The following GALNTL6 variants were observed in gnomAD, a reference collection of about 807,000 sequenced individuals.
The protein encoded by GALNTL6 is polypeptide N-acetylgalactosaminyltransferase-like 6.
Under a neutral mutation model 73.7 loss-of-function variants are expected in GALNTL6, and 46 were observed. The observed-to-expected ratio is 0.62, with a 90% confidence interval of 0.49 to 0.80. The LOEUF is 0.80. GALNTL6 is among the 30% of genes least tolerant of loss of function. The pLI is 0.00. For synonymous variants in GALNTL6, 259 were observed against 263.7 expected (o/e 0.98, Z 0.17); for missense variants, 604 against 755.0 (o/e 0.80, Z 2.34).
At chr4:172,312,481 T>C (rs1740397655) in intron 4 of GALNTL6, among the ~76,000 whole-genome samples, 2 of 152,216 alleles carry the variant, frequency 1.3e-5, no homozygotes. Flanking sequence ...TGGAATGTGA[T>C]AAGAATTTGT....
chr4:172,206,795 T>C (rs1255479456), intron 2 of GALNTL6, among the ~76,000 whole-genome samples: 2 of 41,782 alleles, frequency 4.8e-5, no homozygotes, highest in Admixed American at 3.5e-4. Flanking sequence ...TTGTTTTGTT[T>C]TGTTTTTCTG....
chr4:173,031,545 T>C (rs1172908208), intron 12 of GALNTL6, among the ~76,000 whole-genome samples: 1 of 152,062 alleles, frequency 6.6e-6, no homozygotes, highest in Non-Finnish European at 1.5e-5. Flanking sequence ...ACTGAATGAA[T>C]GAATAAGTGA....
chr4:172,525,230 A>G (rs1172998900), intron 5 of GALNTL6, among the ~76,000 whole-genome samples: 1 of 152,196 alleles, frequency 6.6e-6, no homozygotes, highest in East Asian at 1.9e-4. Context: ...TATGTTAGCT[A>G]TAAATGGATA....
chr4:172,159,782 C>T (rs1034728356), intron 2 of GALNTL6, among the ~76,000 whole-genome samples: 1 of 152,104 alleles, frequency 6.6e-6, no homozygotes, highest in Non-Finnish European at 1.5e-5. Flanking sequence ...GTAATATAAT[C>T]ATACATGCGT....
chr4:173,009,270 T>C lies in GALNTL6; in HGVS notation c.1464T>C (p.Ser488=), dbSNP rs143456650. ...TGGACATCTGTGTCAAGGATGGTTC[T>C]GAAAGAACATGGTCTCATGAACAGG... The part of the protein sequence containing the change: ...LRLDICVKDG[S]ERTWSHEQLF... The change falls in exon 11 of 13, where the codon TCT becomes TCC. Residue 488 remains serine, a synonymous_variant. Transcript: ENST00000506823. 235 of 1,612,970 alleles carry C rather than the reference T, an allele frequency of 1.5e-4. 1 individual carries two copies. In the African/African-American group the frequency reaches 2.9e-3, roughly 20 times the overall value.
chr4:171,879,706 T>C (rs528388323), intron 2 of GALNTL6, among the ~76,000 whole-genome samples: 1 of 152,296 alleles, frequency 6.6e-6, no homozygotes, highest in East Asian at 1.9e-4. Flanking sequence ...GGAAAAGTTA[T>C]CTGTCTTAAA....
intron 5 of GALNTL6, among the ~76,000 whole-genome samples, chr4:172,788,489 G>A (rs1399127395): frequency 6.6e-6 from 1 of 151,930 alleles, no homozygotes; most frequent in African/African-American, 2.4e-5. Flanking sequence ...TGGCTAACAC[G>A]GTAAAACCCC....
chr4:172,800,387 T>A (rs1740569570), intron 5 of GALNTL6, among the ~76,000 whole-genome samples: 1 of 152,138 alleles, frequency 6.6e-6, no homozygotes, highest in Non-Finnish European at 1.5e-5. Flanking sequence ...CTGTGTAGAG[T>A]TTTTTTCTTT....
intron 2 of GALNTL6, among the ~76,000 whole-genome samples, chr4:172,128,303 G>T (rs1733361664): frequency 1.3e-5 from 2 of 152,082 alleles, no homozygotes; most frequent in South Asian, 4.1e-4. Flanking sequence ...AAACCAACCT[G>T]TATAGGATCC....
At chr4:172,787,426 G>T (rs1739723486) in intron 5 of GALNTL6, among the ~76,000 whole-genome samples, 1 of 152,312 alleles carries the variant, frequency 6.6e-6, no homozygotes, top group East Asian at 1.9e-4. Flanking sequence ...GCTTAGTGAT[G>T]TCACTAAACA....
chr4:172,529,396 T>C (rs944145201), intron 5 of GALNTL6, among the ~76,000 whole-genome samples: 4 of 152,056 alleles, frequency 2.6e-5, no homozygotes, highest in Admixed American at 2.0e-4. Context: ...TAATCAGTAA[T>C]GTAATATTGA....
intron 5 of GALNTL6, among the ~76,000 whole-genome samples, chr4:172,587,224 T>G (rs1043113917): frequency 3.3e-5 from 5 of 152,224 alleles, no homozygotes; most frequent in Admixed American, 3.3e-4. Flanking sequence ...CTAGACCTTG[T>G]GCTGATATGT....
intron 5 of GALNTL6, among the ~76,000 whole-genome samples, chr4:172,648,974 T>C (rs1740362324): frequency 6.6e-6 from 1 of 152,214 alleles, no homozygotes; most frequent in Admixed American, 6.5e-5. Flanking sequence ...TTCAGATGGC[T>C]GAAGGAGATT....
At chr4:172,315,507 T>C (rs1740511397) in intron 4 of GALNTL6, among the ~76,000 whole-genome samples, 1 of 152,216 alleles carries the variant, frequency 6.6e-6, no homozygotes, top group Non-Finnish European at 1.5e-5. Flanking sequence ...TGCCTTGGCC[T>C]CCCAAAGTGC....
chr4:172,567,411 A>C (rs1193114350), intron 5 of GALNTL6, among the ~76,000 whole-genome samples: 1 of 152,162 alleles, frequency 6.6e-6, no homozygotes, highest in African/African-American at 2.4e-5. Flanking sequence ...GTTGATCCAG[A>C]ATATGTAAAA....
intron 2 of GALNTL6, among the ~76,000 whole-genome samples, chr4:171,984,655 C>T (rs184945088): frequency 1.3e-4 from 19 of 151,996 alleles, no homozygotes; most frequent in Non-Finnish European, 1.5e-5. Flanking sequence ...CAGTAAAAGG[C>T]TATAATTGTG....
At chr4:173,000,773 T>G (rs1280362828) in intron 10 of GALNTL6, among the ~76,000 whole-genome samples, 2 of 152,198 alleles carry the variant, frequency 1.3e-5, no homozygotes, top group Non-Finnish European at 2.9e-5. Flanking sequence ...GTTAATTGAT[T>G]TTTGACAAGG....
intron 2 of GALNTL6, among the ~76,000 whole-genome samples, chr4:171,923,564 A>T (rs1293279035): frequency 5.1e-5 from 7 of 137,846 alleles, no homozygotes; most frequent in African/African-American, 8.2e-5. Flanking sequence ...CTCCCGGCTA[A>T]TTTTTTTTTT....
At chr4:172,540,843 GAT>G (rs1184570241) in intron 5 of GALNTL6, among the ~76,000 whole-genome samples, 3 of 152,206 alleles carry the variant, frequency 2.0e-5, no homozygotes, top group African/African-American at 7.2e-5. Context: ...TTGTTATATA[GAT>G]GAAGCCTCAT....
Sources: gnomAD v4.1 joint callset for allele counts (sites outside exome capture counted in the v4.1 genomes callset) on GRCh38, gnomAD v4.1.1 for gene constraint, MANE v1.5 for transcripts, NCBI Gene and HGNC (gene_info 2026-07-23, HGNC 2026-07-21) for gene names.